PCBP3: variants seen among roughly 807,000 people sequenced by gnomAD.
PCBP3 encodes the protein poly(rC) binding protein 3.
In PCBP3, 25 loss-of-function variants were observed where a neutral mutation model predicts 52.7. The observed-to-expected ratio is 0.47, with a 90% confidence interval of 0.35 to 0.66. The LOEUF (loss-of-function observed/expected upper bound fraction) is 0.66, where lower values mean the gene tolerates loss of function less well. Ranked by LOEUF, PCBP3 falls within the 30% of genes least tolerant of loss-of-function variation. PCBP3 has a pLI of 0.01. For missense variants in PCBP3, 391 were observed against 490.3 expected (o/e 0.80, Z 1.91); for synonymous variants, 162 against 183.0 (o/e 0.89, Z 0.93).
chr21:45,821,258 A>C lies in PCBP3; in HGVS notation c.-125-28703A>C, dbSNP rs994199185. On this transcript the variant is annotated intron_variant, in intron 4 of 17. Transcript: ENST00000681687. The surrounding 1 kb of genome is among the most constrained non-coding windows in gnomAD (Gnocchi z 4.4). Reference sequence around the variant, plus strand: ...AATCCTGGATTCCGCAGGGGCTCCAAGACCCTCAGGGTCGCCAGTGACTCC... The same window carrying C: ...AATCCTGGATTCCGCAGGGGCTCCACGACCCTCAGGGTCGCCAGTGACTCC... Among the ~76,000 whole-genome samples the C allele has an allele frequency of 2.0e-5, 3 of 151,962 alleles. No individual in the cohort carries two copies. Among genetic ancestry groups the C allele is most frequent in the African/African-American group, 7.3e-5 (3 of 41,346 alleles).
chr21:45,740,904 C>T (rs911229835), intron 3 of PCBP3, among the ~76,000 whole-genome samples: 14 of 152,160 alleles, frequency 9.2e-5, no homozygotes, highest in African/African-American at 3.4e-4. Context: ...AGTAGAGATA[C>T]GGTTGACATA....
At chr21:45,684,194 C>T (rs781378199) in intron 2 of PCBP3, among the ~76,000 whole-genome samples, 10 of 152,098 alleles carry the variant, frequency 6.6e-5, no homozygotes, top group African/African-American at 9.7e-5. Flanking sequence ...CACCACTTCA[C>T]TCTAGCCTGG....
intron 5 of PCBP3, among the ~76,000 whole-genome samples, chr21:45,864,263 G>T (rs1166019443): frequency 2.6e-5 from 4 of 152,208 alleles, no homozygotes; most frequent in African/African-American, 9.6e-5. Flanking sequence ...CCCGCCACTA[G>T]CGTGGGGTAC....
intron 4 of PCBP3, among the ~76,000 whole-genome samples, chr21:45,776,784 C>A (rs141296333): frequency 5.3e-5 from 8 of 152,130 alleles, no homozygotes; most frequent in African/African-American, 1.9e-4. Flanking sequence ...TCGTAAGCAG[C>A]ATTTAGTTGG....
At chr21:45,806,520 C>G (rs977177343) in intron 4 of PCBP3, among the ~76,000 whole-genome samples, 3 of 151,752 alleles carry the variant, frequency 2.0e-5, no homozygotes, top group African/African-American at 4.8e-5. Flanking sequence ...TATTTTTACT[C>G]TAGAATTATG....
chr21:45,711,549 A>T (rs2083840570), intron 2 of PCBP3, among the ~76,000 whole-genome samples: 1 of 152,196 alleles, frequency 6.6e-6, no homozygotes, highest in South Asian at 2.1e-4. Flanking sequence ...GAGGATTGTT[A>T]TCTTGTACTC....
Position 45,935,243 on chromosome 21 carries a change from G to A in PCBP3, c.857-10G>A. 1 of 1,607,534 alleles carries A rather than the reference G, an allele frequency of 6.2e-7. No individual in the cohort carries two copies. Among genetic ancestry groups the A allele is most frequent in the South Asian group, 1.1e-5 (1 of 90,878 alleles). ...CCACCAGCCTAACCATGTCCCCTTG[G>A]TATACCCAGGTCTGGACGCCAGCCC... On this transcript the variant is annotated splice_polypyrimidine_tract_variant and intron_variant, in intron 15 of 17. Transcript: ENST00000681687.
intron 15 of PCBP3, 123 bp downstream of exon 15, chr21:45,930,968 G>A: frequency 1.5e-6 from 2 of 1,375,370 alleles, no homozygotes; most frequent in Middle Eastern, 2.5e-4. Context: ...CTGTGGGCCA[G>A]CCTCAGGTGC....
chr21:45,887,054 CTT>C (rs766013521), intron 5 of PCBP3, among the ~76,000 whole-genome samples: 1 of 152,224 alleles, frequency 6.6e-6, no homozygotes, highest in Non-Finnish European at 1.5e-5. Context: ...AGAAAGCAGA[CTT>C]TTGTTGAGGC....
intron 1 of PCBP3, among the ~76,000 whole-genome samples, chr21:45,663,808 T>A (rs188804974): frequency 4.4e-4 from 67 of 152,280 alleles, no homozygotes; most frequent in Non-Finnish European, 7.9e-4. Context: ...TCAGGTAATG[T>A]GATGCCTCTA....
chr21:45,931,433 C>T (rs2076158965), intron 15 of PCBP3, among the ~76,000 whole-genome samples: 1 of 152,242 alleles, frequency 6.6e-6, no homozygotes, highest in Non-Finnish European at 1.5e-5. Context: ...CTCACCAAGG[C>T]CCTGAGGACT....
intron 9 of PCBP3, among the ~76,000 whole-genome samples, chr21:45,906,965 C>G (rs1344070718): frequency 6.6e-6 from 1 of 152,178 alleles, no homozygotes; most frequent in African/African-American, 2.4e-5. Context: ...TTCTGCAGGT[C>G]GGATGCAGGA....
intron 5 of PCBP3, among the ~76,000 whole-genome samples, chr21:45,874,123 C>T (rs1013970345): frequency 9.2e-5 from 14 of 152,232 alleles, no homozygotes; most frequent in African/African-American, 2.9e-4. Context: ...CCACCGCGCC[C>T]GGCCCGCTTG....
At chr21:45,938,249 A>G (rs181238460) in intron 16 of PCBP3, among the ~76,000 whole-genome samples, 2 of 151,894 alleles carry the variant, frequency 1.3e-5, no homozygotes, top group African/African-American at 4.9e-5. Context: ...TTCAGCAGAC[A>G]CCACGCGCTC....
intron 4 of PCBP3, among the ~76,000 whole-genome samples, chr21:45,849,238 C>T (rs1384584156): frequency 6.9e-6 from 1 of 145,128 alleles, no homozygotes; most frequent in Non-Finnish European, 1.5e-5. Context: ...CTCACTCACT[C>T]TGTCACACTC....
At chr21:45,807,739 CA>C (rs948609905) in intron 4 of PCBP3, among the ~76,000 whole-genome samples, 1 of 147,158 alleles carries the variant, frequency 6.8e-6, no homozygotes, top group African/African-American at 2.5e-5. Context: ...CAATTCTAAG[CA>C]AAAAAAACAA....
intron 5 of PCBP3, among the ~76,000 whole-genome samples, chr21:45,852,137 G>A (rs1225596638): frequency 6.6e-6 from 1 of 152,200 alleles, no homozygotes; most frequent in African/African-American, 2.4e-5. Context: ...TTACAGTGAT[G>A]GATATGCTAA....
intron 4 of PCBP3, among the ~76,000 whole-genome samples, chr21:45,815,143 AGTG>A (rs1176614909): frequency 1.2e-4 from 10 of 80,584 alleles, no homozygotes; most frequent in Admixed American, 3.5e-4. Context: ...GTGAGTGGTG[AGTG>A]GTGAGTGAGT....
chr21:45,776,449 T>A (rs896215946), intron 4 of PCBP3, among the ~76,000 whole-genome samples: 11 of 151,530 alleles, frequency 7.3e-5, no homozygotes, highest in African/African-American at 2.7e-4. Flanking sequence ...TCTCCCACTG[T>A]TTTTGTACTT....
Sources: gnomAD v4.1 joint callset for allele counts (sites outside exome capture counted in the v4.1 genomes callset) on GRCh38, gnomAD v4.1.1 for gene constraint, Gnocchi (gnomAD v3.1) non-coding constraint, MANE v1.5 for transcripts, NCBI Gene and HGNC (gene_info 2026-07-23, HGNC 2026-07-21) for gene names.